The following OR51B5 variants were observed in gnomAD, a reference collection of about 807,000 sequenced individuals.
The protein encoded by OR51B5 is olfactory receptor family 51 subfamily B member 5.
For synonymous variants in OR51B5, 186 were observed against 144.8 expected, an observed-to-expected ratio of 1.28 and a Z score of -2.04; for missense variants, 456 against 374.6, an observed-to-expected ratio of 1.22 and a Z score of -1.79.
chr11:5,501,429 T>C (rs1243777201), intron 1 of OR51B5, among the ~76,000 whole-genome samples: 7 of 148,076 alleles, frequency 4.7e-5, no homozygotes, highest in African/African-American at 1.7e-4. Context: ...AAAAGTTACC[T>C]TCTTATTATA....
chr11:5,483,980 A>T (rs577770217), intron 1 of OR51B5, among the ~76,000 whole-genome samples: 125 of 152,240 alleles, frequency 8.2e-4, no homozygotes, highest in African/African-American at 2.8e-3. Context: ...TCACTTCCCT[A>T]AACAAAACTT....
chr11:5,358,003 G>T, intron 1 of OR51B5, among the ~76,000 whole-genome samples: 1 of 151,944 alleles, frequency 6.6e-6, no homozygotes, highest in Non-Finnish European at 1.5e-5. Flanking sequence ...TGTGTAGAGG[G>T]AAATTTATAG....
chr11:5,446,993 G>T (rs1244291181), intron 1 of OR51B5, among the ~76,000 whole-genome samples: 1 of 152,098 alleles, frequency 6.6e-6, no homozygotes, highest in East Asian at 1.9e-4. Context: ...TTGTACAACA[G>T]AATCTCTACT....
chr11:5,423,788 C>A (rs1216656714), intron 1 of OR51B5, among the ~76,000 whole-genome samples: 2 of 152,170 alleles, frequency 1.3e-5, no homozygotes, highest in Non-Finnish European at 2.9e-5. Context: ...TAAACATATG[C>A]AAGAAGTCTA....
At chr11:5,437,624 G>A (rs1850610305) in intron 1 of OR51B5, among the ~76,000 whole-genome samples, 1 of 152,190 alleles carries the variant, frequency 6.6e-6, no homozygotes, top group African/African-American at 2.4e-5. Context: ...TTTTGAACCT[G>A]ATTTATAAAA....
rs752872827 is a variant in OR51B5 at position 5,489,043 on chromosome 11, C to T, written n.84+16526G>A. On this transcript the variant is annotated intron_variant and non_coding_transcript_variant, in intron 1 of 4. Coordinates refer to the OR51B5 transcript ENST00000415970. ...GTTTTGTGTCCATTCTATCTATGCT[C>T]TGGAGTCCTCAATTCTACTTGCCAT... is the stretch of plus-strand genomic sequence containing the variant. 5.0e-6 allele frequency: 8 copies of T among 1,614,066 alleles called. No homozygotes were observed. The South Asian group carries it at 6.6e-5, about 13-fold the overall frequency.
intron 1 of OR51B5, chr11:5,453,948 A>G (rs1231089485): frequency 6.2e-7 from 1 of 1,614,128 alleles, no homozygotes; most frequent in Admixed American, 1.7e-5. Flanking sequence ...TCGAAGCTTC[A>G]TCACCCTTTT....
intron 1 of OR51B5, among the ~76,000 whole-genome samples, chr11:5,439,184 T>A (rs575868900): frequency 6.6e-6 from 1 of 152,126 alleles, no homozygotes; most frequent in South Asian, 2.1e-4. Flanking sequence ...CAATGTCAAG[T>A]AGTTTGGCAT....
intron 1 of OR51B5, chr11:5,422,759 A>G (rs1850369234): frequency 6.2e-7 from 1 of 1,614,118 alleles, no homozygotes. Flanking sequence ...CCAGGATATG[A>G]TCCGCCTGGT....
chr11:5,371,499 A>T (rs1336825141), intron 1 of OR51B5, among the ~76,000 whole-genome samples: 1 of 152,168 alleles, frequency 6.6e-6, no homozygotes, highest in African/African-American at 2.4e-5. Context: ...GATATTAAAA[A>T]TAGAGAAAAA....
At chr11:5,431,068 G>A (rs60189221) in intron 1 of OR51B5, 28,560 of 451,426 alleles carry the variant, frequency 0.063, 1,177 homozygotes, top group Middle Eastern at 0.16. Context: ...GAGGCAGTAG[G>A]AGTGTGAGAG....
intron 1 of OR51B5, chr11:5,422,978 G>T (rs1850377621): frequency 1.9e-6 from 3 of 1,614,116 alleles, no homozygotes; most frequent in African/African-American, 1.3e-5. Flanking sequence ...CATGGTTGGT[G>T]TATCTATGAC....
chr11:5,390,001 C>T, intron 1 of OR51B5: 3 of 1,613,190 alleles, frequency 1.9e-6, no homozygotes, highest in Non-Finnish European at 2.5e-6. Context: ...AGCTGGCCTG[C>T]ACAGATATCA....
intron 1 of OR51B5, among the ~76,000 whole-genome samples, chr11:5,504,399 T>C (rs564175314): frequency 1.3e-5 from 2 of 152,312 alleles, no homozygotes; most frequent in South Asian, 2.1e-4. Flanking sequence ...GAAAGGGCCA[T>C]GCAGTAGGCC....
At chr11:5,410,898 G>GA (rs1379598637) in intron 1 of OR51B5, among the ~76,000 whole-genome samples, 1 of 151,766 alleles carries the variant, frequency 6.6e-6, no homozygotes, top group Non-Finnish European at 1.5e-5. Flanking sequence ...AGGATGTAAA[G>GA]AAAAAAATAT....
intron 1 of OR51B5, chr11:5,392,396 G>A (rs990037417): frequency 6.6e-6 from 1 of 152,112 alleles, no homozygotes; most frequent in Non-Finnish European, 1.5e-5. Context: ...ATCTCATTTG[G>A]TAGAATGGGG....
intron 1 of OR51B5, among the ~76,000 whole-genome samples, chr11:5,396,213 T>C (rs1384106399): frequency 6.6e-6 from 1 of 152,128 alleles, no homozygotes; most frequent in Non-Finnish European, 1.5e-5. Flanking sequence ...TTGGAAGTTC[T>C]GGCCCGGGCA....
chr11:5,401,480 G>C (rs1849966723), intron 1 of OR51B5, among the ~76,000 whole-genome samples: 1 of 152,168 alleles, frequency 6.6e-6, no homozygotes, highest in Non-Finnish European at 1.5e-5. Context: ...CAAATTCTAT[G>C]CTTTTCTAGT....
At chr11:5,475,744 CATG>C (rs1173078439) in intron 1 of OR51B5, among the ~76,000 whole-genome samples, 2 of 152,166 alleles carry the variant, frequency 1.3e-5, no homozygotes, top group Admixed American at 6.5e-5. Flanking sequence ...AGGCACCCAG[CATG>C]ATGTTTAGCA....
Sources: gnomAD v4.1 joint callset for allele counts (sites outside exome capture counted in the v4.1 genomes callset) on GRCh38, gnomAD v4.1.1 for gene constraint, MANE v1.5 for transcripts, NCBI Gene and HGNC (gene_info 2026-07-23, HGNC 2026-07-21) for gene names.